The following ZNF219 variants were observed in gnomAD, a reference collection of about 807,000 sequenced individuals.
The protein encoded by ZNF219 is zinc finger protein 219.
A neutral mutation model predicts 54.4 loss-of-function variants in ZNF219; 17 were observed. The observed-to-expected ratio is 0.31, with a 90% CI of 0.21 to 0.47. The LOEUF is 0.47. Ranked by LOEUF, ZNF219 falls within the 20% of genes least tolerant of loss-of-function variation. The probability of loss-of-function intolerance (pLI) is 1.00; values close to 1 mark genes in which losing one functional copy is unlikely to be tolerated. For missense variants in ZNF219, 1,014 were observed against 1,062.3 expected (o/e 0.95, Z 0.63); for synonymous variants, 518 against 476.4 (o/e 1.09, Z -1.14).
chr14:21,103,063 A>G, upstream of ZNF219: 5 of 1,548,454 alleles, frequency 3.2e-6, no homozygotes, highest in Non-Finnish European at 4.4e-6. Flanking sequence ...ATTGGGCAGG[A>G]GGAAGCAGTT....
Position 21,092,994 on chromosome 14 carries a change from G to A in ZNF219, c.303C>T (p.Arg101=), listed in dbSNP as rs1251566468. 2 of 1,597,756 alleles carry A rather than the reference G, an allele frequency of 1.3e-6. No homozygotes were observed. The highest frequency in any genetic ancestry group is 8.5e-7 in the Non-Finnish European group (1 of 1,175,164). ...CGGGCTGGTGTGTGCGCAGGTGCGA[G>A]CGCAGCAGAGCCCGCTGCGCCGCGC... ...GHRAAQRALL[R]SHLRTHQPER... is the part of the protein sequence containing the mutation. The change falls in exon 3 of 5, where the codon CGC becomes CGT. Residue 101 remains arginine, a synonymous_variant. Coordinates refer to ENST00000360947, the MANE Select transcript of ZNF219 (RefSeq NM_016423.3).
upstream of ZNF219, chr14:21,101,368 G>C (rs558483700): frequency 6.1e-5 from 95 of 1,551,650 alleles, 1 homozygote; most frequent in African/African-American, 1.2e-3. Flanking sequence ...TGGTGAGCAA[G>C]AGCAGGAGAG....
At chr14:21,102,558 G>A (rs910093513), upstream of ZNF219, 8 of 1,551,620 alleles carry the variant, frequency 5.2e-6, no homozygotes, top group Non-Finnish European at 7.0e-6. Context: ...AAGGAGGCAA[G>A]AGGAGGTGGG....
upstream of ZNF219, chr14:21,103,208 G>A (rs534666750): frequency 1.3e-5 from 20 of 1,551,574 alleles, no homozygotes; most frequent in Admixed American, 1.6e-4. Flanking sequence ...AGGAGCAAAT[G>A]AGAGGGTGGG....
chr14:21,093,638 G>C lies in ZNF219; in HGVS notation c.-47C>G. ...GTTCTGGGAAGTGCAGGGAAGAGGA[G>C]GAAAAGCTGCTAATGAAGGCAACAG... On this transcript the variant is annotated 5_prime_UTR_variant, in exon 2 of 5. Transcript: ENST00000360947. The C allele has an allele frequency of 1.2e-6, 2 of 1,614,106 alleles. No individual in the cohort carries two copies. Among genetic ancestry groups the C allele is most frequent in the Non-Finnish European group, 1.7e-6 (2 of 1,180,008 alleles).
chr14:21,094,281 G>T, intron 1 of ZNF219: 1 of 436,408 alleles, frequency 2.3e-6, no homozygotes, highest in Non-Finnish European at 4.6e-6. Context: ...AGGGGGAGGG[G>T]CATGAAGGGG....
rs898976274 is a variant in ZNF219, at chr14:21,090,139, T to C, written c.*397A>G. 2 of 460,898 alleles carry C rather than the reference T, an allele frequency of 4.3e-6. No homozygotes were observed. The highest frequency in any genetic ancestry group is 8.6e-6 in the Non-Finnish European group (2 of 232,298). 28.6% of individuals were successfully genotyped at this position (460,898 alleles called of 1,614,324 possible). A position where few individuals can be genotyped will look rare whatever the true frequency, so the allele number is the denominator to read the frequency against. On this transcript the variant is annotated 3_prime_UTR_variant, in exon 5 of 5. Transcript: ENST00000360947. This position sits in a 1 kb window ranked among gnomAD's most constrained non-coding sequence, Gnocchi z 4.4. Reference sequence around the variant, plus strand: ...TCTGCAATAGGGATGACAGGAATCGTACCAAAAATAGCGACGTCTACAGGG... The same window carrying C: ...TCTGCAATAGGGATGACAGGAATCGCACCAAAAATAGCGACGTCTACAGGG...
rs1375543724 is a variant in ZNF219 at position 21,098,620 on chromosome 14, C to T, written c.-392G>A. The T allele has an allele frequency of 6.9e-6, 7 of 1,017,138 alleles. No homozygotes were observed. Among genetic ancestry groups the T allele is most frequent in the East Asian group, 1.1e-4 (1 of 8,734 alleles). 63.0% of individuals were successfully genotyped at this position (1,017,138 alleles called of 1,614,324 possible). ...TGGGGACCCCGGGAGCCGCGAGAGG[C>T]GGCCGCCAGGGGCGGGGTGCGGGCG... On this transcript the variant is annotated 5_prime_UTR_variant, in exon 1 of 5. Coordinates refer to ENST00000360947, the MANE Select transcript of ZNF219 (RefSeq NM_016423.3).
chr14:21,090,801 G>A lies in ZNF219; in HGVS notation c.1904C>T (p.Pro635Leu), dbSNP rs766092767. 4 of 1,572,446 alleles carry A rather than the reference G, an allele frequency of 2.5e-6. No individual in the cohort carries two copies. The highest frequency in any genetic ancestry group is 2.7e-5 in the African/African-American group (2 of 74,300). The change falls in exon 5 of 5, where the codon CCG (proline) becomes CTG (leucine). Residue 635 changes from proline (P) to leucine (L), a missense_variant. Pro to Leu is a moderately conservative substitution (Grantham distance 98). This residue lies in a region of ZNF219 where 281 missense variants were observed against 271.2 expected (regional missense o/e 1.04). Coordinates refer to ENST00000360947, the MANE Select transcript of ZNF219 (RefSeq NM_016423.3). This position sits in a 1 kb window ranked among gnomAD's most constrained non-coding sequence, Gnocchi z 4.4. ...EPLDLSLRAG[P>L]GGEAGPGGAL... ...ACCCCCAGGCCCGGCCTCGCCTCCC[G>A]GCCCTGCCCGCAAGGACAGGTCCAG... is the stretch of plus-strand genomic sequence containing the variant.
Position 21,091,037 on chromosome 14 carries a change from G to T in ZNF219, c.1668C>A (p.Ala556=), listed in dbSNP as rs1167186213. The T allele has an allele frequency of 7.7e-6, 12 of 1,554,300 alleles. No homozygotes were observed. The highest frequency in any genetic ancestry group is 1.0e-5 in the Non-Finnish European group (12 of 1,156,354). The change falls in exon 5 of 5, where the codon GCC becomes GCA. Residue 556 remains alanine, a synonymous_variant. Coordinates refer to ENST00000360947, the MANE Select transcript of ZNF219 (RefSeq NM_016423.3). Reference sequence around the variant, plus strand: ...GTGGCTCCGGGGGTGGCCCGGGGCCGGCCCCGCTCCTCTGCTCCCGGTGGT... The same window carrying T: ...GTGGCTCCGGGGGTGGCCCGGGGCCTGCCCCGCTCCTCTGCTCCCGGTGGT... ...QRHHREQRSG[A]GPGPPPEPPP... is the part of the protein sequence containing the mutation.
upstream of ZNF219, chr14:21,103,165 T>G: frequency 6.4e-7 from 1 of 1,551,716 alleles, no homozygotes; most frequent in Non-Finnish European, 8.7e-7. Context: ...AAGAGGTTCC[T>G]GGTTTGGAGA....
At position 21,092,956 on chromosome 14, in the gene ZNF219, C is replaced by T; in HGVS notation, c.341G>A (p.Ser114Asn). The T allele has an allele frequency of 6.3e-7, 1 of 1,586,150 alleles. No homozygotes were observed. The highest frequency in any genetic ancestry group is 8.6e-7 in the Non-Finnish European group (1 of 1,168,394). Reference sequence around the variant, plus strand: ...CTCCAGCAACAGGCGTGCAGCAGGACTACGTGGGCGCTCGGGCTGGTGTGT... The same window carrying T: ...CTCCAGCAACAGGCGTGCAGCAGGATTACGTGGGCGCTCGGGCTGGTGTGT... ...LRTHQPERPRSPAARLLLELE... is the reference protein window; with the variant it reads ...LRTHQPERPRNPAARLLLELE... Residue 114 changes from serine to asparagine, a missense_variant, in exon 3 of 5, where the codon AGT (serine) becomes AAT (asparagine). Ser to Asn is a conservative substitution (Grantham distance 46). Coordinates refer to ENST00000360947, the MANE Select transcript of ZNF219 (RefSeq NM_016423.3).
chr14:21,099,177 T>C (rs143814256), upstream of ZNF219: 28 of 189,042 alleles, frequency 1.5e-4, no homozygotes, highest in East Asian at 4.4e-3. Flanking sequence ...TTCCAGGCGA[T>C]TGTAGTCTAG....
At chr14:21,097,523 G>A (rs959968766) in intron 1 of ZNF219, 1 of 152,262 alleles carries the variant, frequency 6.6e-6, no homozygotes, top group Admixed American at 6.5e-5. Context: ...CAGACTGGGA[G>A]GTAGGGGCGA....
Position 21,090,481 on chromosome 14 carries a change from C to T in ZNF219, c.*55G>A. ...GGCTTCTCTACCCAACTACCTCTAG[C>T]GCTCCCCCGCTCCGGCGGGGTAAGC... On this transcript the variant is annotated 3_prime_UTR_variant, in exon 5 of 5. Transcript: ENST00000360947. This position sits in a 1 kb window ranked among gnomAD's most constrained non-coding sequence, Gnocchi z 4.4. 4 of 1,529,192 alleles carry T rather than the reference C, an allele frequency of 2.6e-6. No homozygotes were observed. The highest frequency in any genetic ancestry group is 3.5e-6 in the Non-Finnish European group (4 of 1,135,628). 94.7% of individuals were successfully genotyped at this position (1,529,192 alleles called of 1,614,324 possible). A position where few individuals can be genotyped will look rare whatever the true frequency, so the allele number is the denominator to read the frequency against.
Position 21,090,971 on chromosome 14 carries a change from G to A in ZNF219, c.1734C>T (p.Ala578=), listed in dbSNP as rs1249788269. The A allele has an allele frequency of 6.4e-7, 1 of 1,551,884 alleles. No homozygotes were observed. Among genetic ancestry groups the A allele is most frequent in the Non-Finnish European group, 8.7e-7 (1 of 1,155,158 alleles). ...SQRGSAPQSG[A]KPSPQPATWV... Reference sequence around the variant, plus strand: ...AGGTCGCAGGCTGCGGAGACGGCTTGGCTCCAGATTGCGGGGCCGAACCCC... The same window carrying A: ...AGGTCGCAGGCTGCGGAGACGGCTTAGCTCCAGATTGCGGGGCCGAACCCC... Residue 578 remains alanine, a synonymous_variant, in exon 5 of 5, where the codon GCC becomes GCT. Coordinates refer to ENST00000360947, the MANE Select transcript of ZNF219 (RefSeq NM_016423.3). The surrounding 1 kb of genome is among the most constrained non-coding windows in gnomAD (Gnocchi z 4.4).
chr14:21,100,693 A>G (rs2139342927), upstream of ZNF219, among the ~76,000 whole-genome samples: 1 of 152,346 alleles, frequency 6.6e-6, no homozygotes, highest in Middle Eastern at 3.4e-3. Flanking sequence ...AGAAAGTGAG[A>G]GGCAAGAAAG....
rs373021423 is a variant in ZNF219, at chr14:21,091,921, C to T, written c.1376G>A (p.Gly459Glu). ...AGCAGCAGAGGCAGAGTGCCCCGGTCCCTCACCCGGGCGCGGGTGCAGGGA... is the reference window on the plus strand; with the variant it reads ...AGCAGCAGAGGCAGAGTGCCCCGGTTCCTCACCCGGGCGCGGGTGCAGGGA... The part of the protein sequence containing the change: ...LASLHPRPGE[G>E]PGHSASAAGA... The change falls in exon 3 of 5, where the codon GGA becomes GAA. Residue 459 changes from glycine (G) to glutamate (E), a missense_variant. Transcript: ENST00000360947. 24 of 1,601,600 alleles carry T rather than the reference C, an allele frequency of 1.5e-5. No individual in the cohort carries two copies. The highest frequency in any genetic ancestry group is 2.0e-5 in the Non-Finnish European group (24 of 1,175,100).
In ZNF219 at chr14:21,093,242, C is replaced by G; in HGVS notation, c.55G>C (p.Ala19Pro). ...TGCAGATCCAGCTCGCCGTCGAAAG[C>G]CGGCGGCGACGGCGCTAAGTGGCCG... is the stretch of plus-strand genomic sequence containing the variant. ...PSGHLAPSPP[A>P]FDGELDLQRY... Residue 19 changes from alanine to proline, a missense_variant, in exon 3 of 5, where the codon GCT (alanine) becomes CCT (proline). Ala to Pro is a conservative substitution (Grantham distance 27, BLOSUM62 -1). Transcript: ENST00000360947. 1 of 1,599,940 alleles carries G rather than the reference C, an allele frequency of 6.3e-7. No individual in the cohort carries two copies. The highest frequency in any genetic ancestry group is 8.5e-7 in the Non-Finnish European group (1 of 1,178,692).
Sources: allele counts gnomAD v4.1 joint callset (sites outside exome capture counted in the v4.1 genomes callset), GRCh38; gene constraint gnomAD v4.1.1; regional missense constraint gnomAD v4.1.1; non-coding constraint Gnocchi (gnomAD v3.1); transcripts MANE v1.5; gene names NCBI Gene and HGNC (gene_info 2026-07-23, HGNC 2026-07-21).